CPEB3: variants seen among roughly 807,000 people sequenced by gnomAD.
CPEB3 encodes the protein cytoplasmic polyadenylation element-binding protein 3.
In CPEB3, 20 loss-of-function variants were observed where a neutral mutation model predicts 67.2. That is an observed-to-expected ratio of 0.30 (90% confidence interval 0.21 to 0.43). The LOEUF (loss-of-function observed/expected upper bound fraction) is 0.43. CPEB3 is among the 20% of genes least tolerant of loss of function. CPEB3 has a pLI of 1.00. For missense variants in CPEB3, 746 were observed against 968.6 expected, an observed-to-expected ratio of 0.77 and a Z score of 3.05; for synonymous variants, 376 against 393.1, an observed-to-expected ratio of 0.96 and a Z score of 0.51.
intron 7 of CPEB3, among the ~76,000 whole-genome samples, chr10:92,093,197 G>A (rs1843694472): frequency 6.6e-6 from 1 of 152,106 alleles, no homozygotes; most frequent in South Asian, 2.1e-4. Context: ...AGCGGGCTGG[G>A]TGCAGAAAGG....
chr10:92,184,566 C>T (rs1250579296), intron 3 of CPEB3, among the ~76,000 whole-genome samples: 1 of 152,124 alleles, frequency 6.6e-6, no homozygotes, highest in Non-Finnish European at 1.5e-5. Flanking sequence ...GATCGTGTCA[C>T]AGCACCCCAG....
rs1469483866 is a variant in CPEB3, at chr10:92,085,217, AG to A, written c.1688-3717del. ...GGTGAAAATAGGTATATAGTTCACG[AG>A]GAAGTCGAGACTTTCCAAACTACTT... On this transcript the variant is annotated intron_variant, in intron 8 of 9. Coordinates refer to ENST00000265997, the MANE Select transcript of CPEB3 (RefSeq NM_014912.5). 2.0e-5 allele frequency among the ~76,000 whole-genome samples: 3 copies of A among 152,218 alleles called. No homozygotes were observed. In the East Asian group the frequency reaches 5.8e-4, roughly 29 times the overall value.
At chr10:92,231,281 T>G (rs1009343950) in intron 2 of CPEB3, among the ~76,000 whole-genome samples, 1 of 152,210 alleles carries the variant, frequency 6.6e-6, no homozygotes, top group South Asian at 2.1e-4. Flanking sequence ...CTCCACTACA[T>G]GCCATCAGCT....
At chr10:92,107,716 GA>G (rs5786986) in intron 7 of CPEB3, among the ~76,000 whole-genome samples, 6 of 149,574 alleles carry the variant, frequency 4.0e-5, no homozygotes, top group South Asian at 4.2e-4. Flanking sequence ...ACTGGAGAAG[GA>G]AAAAAAAAAT....
At chr10:92,291,228 C>A (rs1270588450), upstream of CPEB3, 6 of 535,932 alleles carry the variant, frequency 1.1e-5, no homozygotes, top group African/African-American at 4.1e-5. Context: ...TGGACCGGAA[C>A]CTCGGGCCGA....
At chr10:92,204,293 C>T (rs1197873813) in intron 2 of CPEB3, 1 of 152,116 alleles carries the variant, frequency 6.6e-6, no homozygotes, top group Admixed American at 6.6e-5. Context: ...TGCTGTGGCC[C>T]CCTGTTATCC....
intron 4 of CPEB3, among the ~76,000 whole-genome samples, chr10:92,157,318 G>T (rs1048070793): frequency 2.6e-5 from 4 of 152,092 alleles, no homozygotes; most frequent in Non-Finnish European, 5.9e-5. Flanking sequence ...TACAACCTAC[G>T]TGTCTGACCC....
At chr10:92,248,471 T>A (rs1852160831) in intron 1 of CPEB3, among the ~76,000 whole-genome samples, 1 of 152,202 alleles carries the variant, frequency 6.6e-6, no homozygotes, top group Non-Finnish European at 1.5e-5. Context: ...CTTCCCTACT[T>A]ACATCCCTAG....
In CPEB3 at chr10:92,281,210, C is replaced by CT. The variant is rs1231887069; in HGVS notation, c.-12+9715dup. Among the ~76,000 whole-genome samples the CT allele has an allele frequency of 4.0e-5, 6 of 150,474 alleles. No homozygotes were observed. In the East Asian group the frequency reaches 1.2e-3, roughly 30 times the overall value. On this transcript the variant is annotated intron_variant, in intron 1 of 9. Transcript: ENST00000265997. The stretch of plus-strand genomic sequence containing the variant: ...TGGGGAAGAAATGTCTTTTTAGGTC[C>CT]TTTGTCTGTTTTTAAATTGGGCTTT...
chr10:92,202,036 G>A (rs1011931661), intron 2 of CPEB3, among the ~76,000 whole-genome samples: 1 of 152,008 alleles, frequency 6.6e-6, no homozygotes, highest in Admixed American at 6.6e-5. Flanking sequence ...CATCTTGCAA[G>A]ACTTTTACTT....
chr10:92,066,156 G>A (rs1842539643), intron 9 of CPEB3, among the ~76,000 whole-genome samples: 1 of 151,906 alleles, frequency 6.6e-6, no homozygotes, highest in South Asian at 2.1e-4. Context: ...GTCAAATCAA[G>A]CAGAGATCAG....
intron 2 of CPEB3, among the ~76,000 whole-genome samples, chr10:92,211,083 T>C (rs1485337192): frequency 2.6e-5 from 4 of 152,054 alleles, no homozygotes; most frequent in Admixed American, 1.3e-4. Context: ...GCTATAAACA[T>C]GAAAGCTCAA....
At chr10:92,182,706 A>C (rs1848512049) in intron 3 of CPEB3, among the ~76,000 whole-genome samples, 1 of 151,880 alleles carries the variant, frequency 6.6e-6, no homozygotes, top group East Asian at 1.9e-4. Flanking sequence ...GATGCCCATA[A>C]TCCCAGCTAC....
chr10:92,102,914 C>T (rs761481322), intron 7 of CPEB3, among the ~76,000 whole-genome samples: 6 of 152,188 alleles, frequency 3.9e-5, no homozygotes, highest in Non-Finnish European at 8.8e-5. Context: ...CTATTTCCCT[C>T]TATTGGACTC....
At chr10:92,102,098 T>C (rs1442224332) in intron 7 of CPEB3, among the ~76,000 whole-genome samples, 2 of 152,148 alleles carry the variant, frequency 1.3e-5, no homozygotes, top group African/African-American at 4.8e-5. Flanking sequence ...CCCTAACAAA[T>C]AGGTCAGCCA....
intron 2 of CPEB3, among the ~76,000 whole-genome samples, chr10:92,210,537 A>G (rs1850026474): frequency 6.6e-6 from 1 of 152,210 alleles, no homozygotes; most frequent in Admixed American, 6.5e-5. Context: ...AACCAAAAGA[A>G]AGGAAGAAAA....
At chr10:92,166,994 C>T (rs1847775334) in intron 4 of CPEB3, among the ~76,000 whole-genome samples, 1 of 152,226 alleles carries the variant, frequency 6.6e-6, no homozygotes, top group Non-Finnish European at 1.5e-5. Context: ...TCACCTTGCA[C>T]TTTTATGTTA....
chr10:92,162,914 G>A (rs1465152838), intron 4 of CPEB3, among the ~76,000 whole-genome samples: 5 of 152,052 alleles, frequency 3.3e-5, no homozygotes, highest in East Asian at 1.9e-4. Context: ...CAGAGATTTC[G>A]TGTACGCCCC....
Position 92,165,403 on chromosome 10 carries a change from CTTTTTTTTTT to C in CPEB3, c.1222+15550_1222+15559del, listed in dbSNP as rs34205234. On this transcript the variant is annotated intron_variant, in intron 4 of 9. Coordinates refer to ENST00000265997, the MANE Select transcript of CPEB3 (RefSeq NM_014912.5). The stretch of plus-strand genomic sequence containing the variant: ...TTCAGCAAGTTGTCACTTTTTTCTT[CTTTTTTTTTT>C]TTTTTTTTGGCTGGTGGAAGGTCTT... 1.2e-4 allele frequency among the ~76,000 whole-genome samples: 15 copies of C among 121,458 alleles called. No individual in the cohort carries two copies. In the Admixed American group the frequency reaches 1.4e-3, roughly 12 times the overall value. 79.7% of individuals were successfully genotyped at this position (121,458 alleles called of 152,430 possible).
Sources: gnomAD v4.1 joint callset for allele counts (sites outside exome capture counted in the v4.1 genomes callset) on GRCh38, gnomAD v4.1.1 for gene constraint, MANE v1.5 for transcripts, NCBI Gene and HGNC (gene_info 2026-07-23, HGNC 2026-07-21) for gene names.